Variants in FER1L6 observed in about 807,000 individuals in gnomAD.
FER1L6 encodes the protein fer-1 like family member 6, also known as fer-1-like protein 6.
A neutral mutation model predicts 219.2 loss-of-function variants in FER1L6; 177 were observed. The ratio of observed to expected loss-of-function variants is 0.81; its 90% CI spans 0.71 to 0.91. FER1L6 has a LOEUF of 0.91. FER1L6 is among the 40% of genes least tolerant of loss of function. The pLI is 0.00. For synonymous variants in FER1L6, 768 were observed against 824.3 expected (o/e 0.93, Z 1.17); for missense variants, 2,153 against 2,259.9 (o/e 0.95, Z 0.96).
chr8:124,098,387 G>A (rs1482954800), intron 37 of FER1L6, among the ~76,000 whole-genome samples: 1 of 152,140 alleles, frequency 6.6e-6, no homozygotes, highest in East Asian at 1.9e-4. Context: ...GGGGGATGAG[G>A]TGGTATAGCA....
At chr8:123,971,380 A>G (rs1401086315) in intron 6 of FER1L6, among the ~76,000 whole-genome samples, 1 of 152,196 alleles carries the variant, frequency 6.6e-6, no homozygotes, top group Non-Finnish European at 1.5e-5. Context: ...ACCTGGGACA[A>G]TGCCCAGGAC....
intron 1 of FER1L6, among the ~76,000 whole-genome samples, chr8:123,898,643 T>TTATTTA (rs1812789450): frequency 7.0e-6 from 1 of 142,048 alleles, no homozygotes; most frequent in Non-Finnish European, 1.5e-5. Flanking sequence ...GTATTCCATT[T>TTATTTA]TATATATATA....
intron 26 of FER1L6, 92 bp from the exon 27 acceptor site, chr8:124,066,336 A>G: frequency 7.0e-7 from 1 of 1,433,330 alleles, no homozygotes; most frequent in Non-Finnish European, 9.5e-7. Flanking sequence ...TCCAGTGGAC[A>G]CCTAAATGTT....
chr8:124,033,047 C>T (rs1007876888), intron 18 of FER1L6, among the ~76,000 whole-genome samples: 15 of 152,286 alleles, frequency 9.8e-5, no homozygotes, highest in African/African-American at 3.6e-4. Context: ...TTGGTGATAG[C>T]TTGCAGGCAA....
At chr8:124,106,328 C>CA (rs71289636) in intron 39 of FER1L6, among the ~76,000 whole-genome samples, 772 of 63,858 alleles carry the variant, frequency 0.012, 137 homozygotes, top group Admixed American at 0.036. Flanking sequence ...GACTCTGTCT[C>CA]AAAAAAAAAA....
intron 16 of FER1L6, among the ~76,000 whole-genome samples, chr8:124,020,030 G>A (rs1818387388): frequency 6.6e-6 from 1 of 152,164 alleles, no homozygotes; most frequent in African/African-American, 2.4e-5. Context: ...ACGTGTTGTG[G>A]GAGGGATCTG....
chr8:123,856,472 TAGC>T (rs2130242383), intron 1 of FER1L6, among the ~76,000 whole-genome samples: 1 of 151,340 alleles, frequency 6.6e-6, no homozygotes, highest in East Asian at 1.9e-4. Context: ...TTTCATGTCT[TAGC>T]AGCCGTGCCC....
At chr8:124,109,729 C>T (rs1822937211) in intron 39 of FER1L6, among the ~76,000 whole-genome samples, 1 of 152,144 alleles carries the variant, frequency 6.6e-6, no homozygotes, top group Admixed American at 6.5e-5. Flanking sequence ...CAGAAAGCCT[C>T]CCCTGGGCAG....
At chr8:124,105,805 G>GA (rs1822746940) in intron 39 of FER1L6, among the ~76,000 whole-genome samples, 1 of 152,158 alleles carries the variant, frequency 6.6e-6, no homozygotes, top group Non-Finnish European at 1.5e-5. Context: ...CCATACAGTG[G>GA]AATATTATTC....
At position 124,039,960 on chromosome 8, in the gene FER1L6, A is replaced by G; in HGVS notation, c.2543A>G (p.Asp848Gly). 1 of 1,614,132 alleles carries G rather than the reference A, an allele frequency of 6.2e-7. No individual in the cohort carries two copies. The highest frequency in any genetic ancestry group is 8.5e-7 in the Non-Finnish European group (1 of 1,180,012). The change falls in exon 20 of 41, where the codon GAC becomes GGC. Residue 848 changes from aspartate to glycine, a missense_variant. Transcript: ENST00000522917. The part of the protein sequence containing the change: ...LIAADSNGLS[D>G]PFAKVTFLSH... Reference sequence around the variant, plus strand: ...GCAGCTGACAGCAATGGACTTTCAGACCCTTTTGCCAAAGTCACGTTCCTT... The same window carrying G: ...GCAGCTGACAGCAATGGACTTTCAGGCCCTTTTGCCAAAGTCACGTTCCTT...
intron 1 of FER1L6, among the ~76,000 whole-genome samples, chr8:123,880,140 G>A (rs557875089): frequency 1.3e-5 from 2 of 151,920 alleles, no homozygotes; most frequent in Admixed American, 6.6e-5. Flanking sequence ...ATTCCTCGTC[G>A]GCATCCCCTC....
chr8:124,017,686 A>G lies in FER1L6; in HGVS notation c.1981A>G (p.Lys661Glu), dbSNP rs1563746351. The G allele has an allele frequency of 6.2e-7, 1 of 1,613,858 alleles. No individual in the cohort carries two copies. Among genetic ancestry groups the G allele is most frequent in the Admixed American group, 1.7e-5 (1 of 60,010 alleles). The change falls in exon 16 of 41, where the codon AAG becomes GAG. Residue 661 changes from lysine to glutamate, a missense_variant. Coordinates refer to ENST00000522917, the MANE Select transcript of FER1L6 (RefSeq NM_001039112.2). Reference sequence around the variant, plus strand: ...GATGTTGAACCAAACCACTTTAGATAAGAAGCGACTTACGCTCTGCTGGCA... The same window carrying G: ...GATGTTGAACCAAACCACTTTAGATGAGAAGCGACTTACGCTCTGCTGGCA... The part of the protein sequence containing the change: ...PKMLNQTTLD[K>E]KRLTLCWQEL...
At chr8:124,086,861 AT>A (rs1358410758) in intron 33 of FER1L6, among the ~76,000 whole-genome samples, 1 of 152,134 alleles carries the variant, frequency 6.6e-6, no homozygotes, top group African/African-American at 2.4e-5. Flanking sequence ...TAGATATGCT[AT>A]TCTAAGCTAA....
At chr8:124,101,659 G>A (rs987055951) in intron 38 of FER1L6, among the ~76,000 whole-genome samples, 8 of 152,144 alleles carry the variant, frequency 5.3e-5, no homozygotes, top group African/African-American at 1.2e-4. Flanking sequence ...AGAGAGGGGC[G>A]GAGCTGTAAT....
chr8:123,902,535 A>G (rs1239538661), intron 1 of FER1L6, among the ~76,000 whole-genome samples: 1 of 152,158 alleles, frequency 6.6e-6, no homozygotes, highest in Non-Finnish European at 1.5e-5. Flanking sequence ...TTCCTGTTGC[A>G]CAAGGCCTTT....
intron 9 of FER1L6, among the ~76,000 whole-genome samples, chr8:123,977,007 G>A (rs908193457): frequency 1.3e-5 from 2 of 152,142 alleles, no homozygotes; most frequent in African/African-American, 4.8e-5. Context: ...TTTTTGACTT[G>A]GGCTGAACTT....
In FER1L6 at chr8:123,870,971, T is replaced by C. The variant is rs113285142; in HGVS notation, c.-8+18786T>C. The stretch of plus-strand genomic sequence containing the variant: ...CAATGTACTTTGGTTGATAAAGTTG[T>C]TTCCCATGGAGGTATGTGTTAATTA... On this transcript the variant is annotated intron_variant, in intron 1 of 40. Coordinates refer to ENST00000522917, the MANE Select transcript of FER1L6 (RefSeq NM_001039112.2). Among the ~76,000 whole-genome samples the C allele has an allele frequency of 2.4e-4, 36 of 152,304 alleles. No homozygotes were observed. In the East Asian group the frequency reaches 5.8e-3, roughly 25 times the overall value.
At chr8:124,007,380 G>T (rs1817709443) in intron 13 of FER1L6, among the ~76,000 whole-genome samples, 1 of 151,364 alleles carries the variant, frequency 6.6e-6, no homozygotes, top group African/African-American at 2.4e-5. Context: ...GTCTTCTACA[G>T]TTCTCTTCAC....
At chr8:123,879,175 GC>G (rs1324154803) in intron 1 of FER1L6, among the ~76,000 whole-genome samples, 1 of 152,144 alleles carries the variant, frequency 6.6e-6, no homozygotes, top group Non-Finnish European at 1.5e-5. Flanking sequence ...GTGATGGCGT[GC>G]TCCCATAGTC....
Sources: gnomAD v4.1 joint callset for allele counts (sites outside exome capture counted in the v4.1 genomes callset) on GRCh38, gnomAD v4.1.1 for gene constraint, MANE v1.5 for transcripts, NCBI Gene and HGNC (gene_info 2026-07-23, HGNC 2026-07-21) for gene names.